The following RTN3 variants were observed in gnomAD, a reference collection of about 807,000 sequenced individuals.
RTN3 encodes reticulon 3.
RTN3 carries 49 observed loss-of-function variants against 77.8 expected under a neutral mutation model. That is an observed-to-expected ratio of 0.63 (90% confidence interval 0.50 to 0.80). The LOEUF (loss-of-function observed/expected upper bound fraction) is 0.80, where lower values mean the gene tolerates loss of function less well. Ranked by LOEUF, RTN3 falls within the 30% of genes least tolerant of loss-of-function variation. RTN3 has a pLI of 0.00. For missense variants in RTN3, 1,236 were observed against 1,211.9 expected, an observed-to-expected ratio of 1.02 and a Z score of -0.29; for synonymous variants, 464 against 446.9, an observed-to-expected ratio of 1.04 and a Z score of -0.48.
chr11:63,727,361 A>G (rs150867882), intron 3 of RTN3, among the ~76,000 whole-genome samples: 8 of 152,368 alleles, frequency 5.3e-5, no homozygotes, highest in African/African-American at 1.4e-4. Context: ...AACTAACTGC[A>G]TGTGTTGGAA....
At chr11:63,700,517 C>T (rs1942184216) in intron 1 of RTN3, among the ~76,000 whole-genome samples, 1 of 151,546 alleles carries the variant, frequency 6.6e-6, no homozygotes, top group Admixed American at 6.6e-5. Context: ...CTCCTGGGCG[C>T]AAGCGGTCCA....
At chr11:63,752,822 A>G (rs1264594374) in intron 5 of RTN3, among the ~76,000 whole-genome samples, 177 bp downstream of exon 5, 1 of 152,198 alleles carries the variant, frequency 6.6e-6, no homozygotes, top group Non-Finnish European at 1.5e-5. Context: ...GCTGGGGAAC[A>G]AATATCAGAA....
chr11:63,734,734 AACACACACAC>A (rs754454322), intron 3 of RTN3, among the ~76,000 whole-genome samples: 977 of 81,312 alleles, frequency 0.012, 7 homozygotes, highest in African/African-American at 0.027. Context: ...TCTGTCTCAA[AACACACACAC>A]ACACACACAC....
chr11:63,688,631 T>C (rs1290002689), intron 1 of RTN3, among the ~76,000 whole-genome samples: 2 of 152,188 alleles, frequency 1.3e-5, no homozygotes, highest in African/African-American at 4.8e-5. Flanking sequence ...GGTGCACCCT[T>C]ACCCTAAATT....
At position 63,719,343 on chromosome 11, in the gene RTN3, A is replaced by G. The variant is rs768540167; in HGVS notation, c.841A>G (p.Lys281Glu). The G allele has an allele frequency of 2.5e-5, 41 of 1,614,102 alleles. No individual in the cohort carries two copies. The South Asian group carries it at 3.1e-4, about 12-fold the overall frequency. Reference protein sequence around the residue: ...DFGSWSVHTDKESSEDISETN... With the variant: ...DFGSWSVHTDEESSEDISETN... ...TGGTAGCTGGTCTGTGCACACTGAT[A>G]AAGAATCATCCGAAGACATTTCAGA... The change falls in exon 3 of 9, where the codon AAA becomes GAA. Residue 281 changes from lysine (K) to glutamate (E), a missense_variant. Transcript: ENST00000377819.
At chr11:63,705,305 T>A (rs1942444111) in intron 2 of RTN3, among the ~76,000 whole-genome samples, 1 of 152,148 alleles carries the variant, frequency 6.6e-6, no homozygotes, top group Non-Finnish European at 1.5e-5. Flanking sequence ...CTGGGCAACA[T>A]GGTGAAACCC....
At chr11:63,725,369 G>A (rs982715434) in intron 3 of RTN3, among the ~76,000 whole-genome samples, 1 of 150,960 alleles carries the variant, frequency 6.6e-6, no homozygotes, top group East Asian at 1.9e-4. Flanking sequence ...ATTTTCTTTT[G>A]GTAAGGATTT....
chr11:63,722,303 T>C (rs975934114), intron 3 of RTN3, among the ~76,000 whole-genome samples: 1 of 152,216 alleles, frequency 6.6e-6, no homozygotes, highest in Non-Finnish European at 1.5e-5. Flanking sequence ...AGATTTTTGT[T>C]AGGCTAAATG....
intron 8 of RTN3, among the ~76,000 whole-genome samples, chr11:63,757,722 C>CTTTTTTT (rs71039672): frequency 1.3e-4 from 14 of 106,316 alleles, no homozygotes; most frequent in Non-Finnish European, 1.6e-4. Flanking sequence ...TTCTTTTTTT[C>CTTTTTTT]TTTTTTTTTT....
At chr11:63,685,827 T>A (rs1193628454) in intron 1 of RTN3, among the ~76,000 whole-genome samples, 1 of 152,198 alleles carries the variant, frequency 6.6e-6, no homozygotes, top group African/African-American at 2.4e-5. Context: ...GAAAACAATT[T>A]TGTCTTGACT....
intron 3 of RTN3, among the ~76,000 whole-genome samples, chr11:63,740,448 A>ATTTTTTTTTTTTT (rs34045543): frequency 1.7e-5 from 2 of 120,754 alleles, no homozygotes; most frequent in Non-Finnish European, 3.4e-5. Flanking sequence ...TGCCTGGCTA[A>ATTTTTTTTTTTTT]TTTTTTTTTT....
intron 3 of RTN3, among the ~76,000 whole-genome samples, chr11:63,740,830 A>T (rs1256715716): frequency 3.3e-5 from 5 of 152,192 alleles, no homozygotes; most frequent in South Asian, 4.1e-4. Context: ...ATTGTAGCAG[A>T]GGTTGGCAGT....
intron 2 of RTN3, among the ~76,000 whole-genome samples, chr11:63,715,409 T>C (rs555863043): frequency 6.6e-6 from 1 of 152,094 alleles, no homozygotes; most frequent in African/African-American, 2.4e-5. Flanking sequence ...GTAATCCTAG[T>C]ACTTTGTGAG....
intron 3 of RTN3, among the ~76,000 whole-genome samples, chr11:63,726,849 A>G (rs1343566115): frequency 6.0e-5 from 9 of 149,564 alleles, no homozygotes; most frequent in Admixed American, 2.7e-4. Flanking sequence ...GTGACAGAGT[A>G]AGACTCCGTC....
intron 3 of RTN3, among the ~76,000 whole-genome samples, chr11:63,735,593 TC>T (rs1565334333): frequency 1.3e-4 from 19 of 149,242 alleles, no homozygotes; most frequent in Admixed American, 7.4e-4. Flanking sequence ...TCTCTCTCTC[TC>T]TCTCTCTTTC....
intron 2 of RTN3, among the ~76,000 whole-genome samples, chr11:63,715,408 G>A (rs1314901938): frequency 6.6e-6 from 1 of 152,120 alleles, no homozygotes; most frequent in Non-Finnish European, 1.5e-5. Context: ...TGTAATCCTA[G>A]TACTTTGTGA....
At chr11:63,718,015 CAA>C (rs557512588) in intron 2 of RTN3, among the ~76,000 whole-genome samples, 39 of 100,668 alleles carry the variant, frequency 3.9e-4, no homozygotes, top group Non-Finnish European at 3.3e-4. Flanking sequence ...GACTCCGTAT[CAA>C]AAAAAAAAAA....
chr11:63,726,775 C>T (rs1191479634), intron 3 of RTN3, among the ~76,000 whole-genome samples: 3 of 151,614 alleles, frequency 2.0e-5, no homozygotes, highest in Admixed American at 6.6e-5. Context: ...GCAGGAGAAT[C>T]GCTTGAACCC....
intron 1 of RTN3, among the ~76,000 whole-genome samples, chr11:63,694,967 A>C (rs1329493348): frequency 1.3e-5 from 2 of 152,218 alleles, no homozygotes; most frequent in East Asian, 1.9e-4. Context: ...CTTATATGAG[A>C]GGGAACTGCT....
Sources: allele counts gnomAD v4.1 joint callset (sites outside exome capture counted in the v4.1 genomes callset), GRCh38; gene constraint gnomAD v4.1.1; transcripts MANE v1.5; gene names NCBI Gene and HGNC (gene_info 2026-07-23, HGNC 2026-07-21).